The following MYLK variants were observed in gnomAD, a reference collection of about 807,000 sequenced individuals.
MYLK encodes the protein myosin light chain kinase, smooth muscle.
In MYLK, 106 loss-of-function variants were observed where a neutral mutation model predicts 203.4. The ratio of observed to expected loss-of-function variants is 0.52; its 90% CI spans 0.45 to 0.61. The LOEUF is 0.61. Among genes scored for constraint, MYLK ranks in the 20% least tolerant of loss-of-function variants. MYLK has a pLI of 0.00. For missense variants in MYLK, 2,072 were observed against 2,442.3 expected (o/e 0.85, Z 3.20); for synonymous variants, 867 against 959.5 (o/e 0.90, Z 1.78).
At chr3:123,687,826 A>T (rs2060516921) in intron 19 of MYLK, among the ~76,000 whole-genome samples, 2 of 151,948 alleles carry the variant, frequency 1.3e-5, no homozygotes, top group African/African-American at 4.8e-5. Flanking sequence ...CATGCCCCAC[A>T]GCATCCAGGC....
chr3:123,685,237 C>T (rs2060409514), intron 19 of MYLK, among the ~76,000 whole-genome samples: 1 of 152,208 alleles, frequency 6.6e-6, no homozygotes, highest in Non-Finnish European at 1.5e-5. Context: ...TTTTCTCTAC[C>T]TCATGGTGTT....
chr3:123,689,698 C>T (rs116837250), intron 19 of MYLK: 1 of 152,348 alleles, frequency 6.6e-6, no homozygotes, highest in African/African-American at 2.4e-5. Context: ...CATTGAAGGT[C>T]AGCTTGTTCT....
At chr3:123,753,823 G>A (rs552986197) in intron 4 of MYLK, among the ~76,000 whole-genome samples, 2 of 152,184 alleles carry the variant, frequency 1.3e-5, no homozygotes, top group Non-Finnish European at 2.9e-5. Flanking sequence ...GAACAAAGTT[G>A]TTTGCATTAC....
chr3:123,786,417 A>T (rs1372137745), intron 4 of MYLK, among the ~76,000 whole-genome samples: 2 of 150,808 alleles, frequency 1.3e-5, no homozygotes, highest in Non-Finnish European at 3.0e-5. Flanking sequence ...TAGAGCTGTG[A>T]AGTGGATCTG....
At chr3:123,785,961 A>C (rs1012803999) in intron 4 of MYLK, among the ~76,000 whole-genome samples, 1 of 152,236 alleles carries the variant, frequency 6.6e-6, no homozygotes, top group Non-Finnish European at 1.5e-5. Flanking sequence ...TCATTGAAGA[A>C]GCAAAAGATA....
intron 24 of MYLK, among the ~76,000 whole-genome samples, chr3:123,654,048 G>A (rs571736939): frequency 6.7e-6 from 1 of 149,284 alleles, no homozygotes; most frequent in South Asian, 2.1e-4. Context: ...AGTGATGGCA[G>A]TTTTGTTACT....
chr3:123,686,421 C>G (rs980891287), intron 19 of MYLK, among the ~76,000 whole-genome samples: 4 of 151,886 alleles, frequency 2.6e-5, no homozygotes, highest in African/African-American at 9.7e-5. Context: ...AACTCTGACC[C>G]CACGCAGGGG....
rs1459138099 is a variant in MYLK at position 123,723,686 on chromosome 3, T to C, written c.1652-1406A>G. ...TTGGGAGACATTAGGCTCTCCCAGCTCGGAGGCTGGGTTAAACTAAAGTTA... is the reference window on the plus strand; with the variant it reads ...TTGGGAGACATTAGGCTCTCCCAGCCCGGAGGCTGGGTTAAACTAAAGTTA... On this transcript the variant is annotated intron_variant, in intron 12 of 33. Transcript: ENST00000360304. Among the ~76,000 whole-genome samples, 6 of 152,156 alleles carry C rather than the reference T, an allele frequency of 3.9e-5. No individual in the cohort carries two copies. In the East Asian group the frequency reaches 1.2e-3, roughly 29 times the overall value.
intron 4 of MYLK, among the ~76,000 whole-genome samples, chr3:123,780,866 CT>C (rs1420844565): frequency 1.3e-5 from 2 of 152,112 alleles, no homozygotes; most frequent in Non-Finnish European, 2.9e-5. Context: ...GGCTCACATT[CT>C]AGAGACAAGT....
At chr3:123,817,839 A>G (rs2065799392) in intron 3 of MYLK, among the ~76,000 whole-genome samples, 1 of 152,190 alleles carries the variant, frequency 6.6e-6, no homozygotes, top group Non-Finnish European at 1.5e-5. Context: ...CTCCTCACAC[A>G]TGCAGAAACC....
intron 3 of MYLK, among the ~76,000 whole-genome samples, chr3:123,802,080 C>G (rs568041096): frequency 2.6e-5 from 4 of 152,186 alleles, no homozygotes; most frequent in Non-Finnish European, 2.9e-5. Context: ...TTCTCCACAG[C>G]CTTGCCAACA....
At chr3:123,825,914 A>G (rs1356649804) in intron 3 of MYLK, among the ~76,000 whole-genome samples, 3 of 152,222 alleles carry the variant, frequency 2.0e-5, no homozygotes, top group Non-Finnish European at 4.4e-5. Flanking sequence ...TCTAAATAGG[A>G]GAGGCCCCTG....
chr3:123,781,484 C>G (rs1436313856), intron 4 of MYLK, among the ~76,000 whole-genome samples: 1 of 152,194 alleles, frequency 6.6e-6, no homozygotes, highest in Non-Finnish European at 1.5e-5. Context: ...TATCTTTCCC[C>G]AAGTGCTGAC....
intron 4 of MYLK, among the ~76,000 whole-genome samples, chr3:123,781,768 C>G (rs1268337794): frequency 1.3e-5 from 2 of 151,590 alleles, no homozygotes; most frequent in African/African-American, 2.4e-5. Flanking sequence ...GATGGCCAGC[C>G]CTCCCCAAGC....
rs757976908 is a variant in MYLK, at chr3:123,836,854, C to A, written c.-126-5184G>T. Among the ~76,000 whole-genome samples, 53 of 152,156 alleles carry A rather than the reference C, an allele frequency of 3.5e-4. 2 individuals are homozygous for A. Among genetic ancestry groups the A allele is most frequent in the Non-Finnish European group, 2.9e-5 (2 of 68,028 alleles). Reference sequence around the variant, plus strand: ...GGTAGAACTCAAAGCATCAGGATGACTTGGAACTTTTAAAATTTATAAGAC... The same window carrying A: ...GGTAGAACTCAAAGCATCAGGATGAATTGGAACTTTTAAAATTTATAAGAC... On this transcript the variant is annotated intron_variant, in intron 2 of 33. Coordinates refer to ENST00000360304, the MANE Select transcript of MYLK (RefSeq NM_053025.4).
chr3:123,736,438 C>T (rs60564957), intron 8 of MYLK, among the ~76,000 whole-genome samples: 2 of 152,042 alleles, frequency 1.3e-5, no homozygotes, highest in Non-Finnish European at 2.9e-5. Context: ...CTTCCTGACC[C>T]CCGAGTTCCT....
chr3:123,698,635 C>G (rs889090283), intron 18 of MYLK, among the ~76,000 whole-genome samples: 1 of 152,078 alleles, frequency 6.6e-6, no homozygotes, highest in African/African-American at 2.4e-5. Flanking sequence ...TCTGGAGGAC[C>G]CTGCCAATCT....
intron 2 of MYLK, among the ~76,000 whole-genome samples, chr3:123,838,901 C>T (rs1384532464): frequency 1.3e-5 from 2 of 152,036 alleles, no homozygotes; most frequent in Admixed American, 6.6e-5. Flanking sequence ...TTGAGACCAG[C>T]CTGGCCAACA....
At position 123,666,246 on chromosome 3, in the gene MYLK, G is replaced by C; in HGVS notation, c.3804C>G (p.Thr1268=). 1.2e-6 allele frequency: 2 copies of C among 1,614,220 alleles called. No homozygotes were observed. Among genetic ancestry groups the C allele is most frequent in the South Asian group, 1.1e-5 (1 of 91,084 alleles). The change falls in exon 22 of 34, where the codon ACC becomes ACG. Residue 1268 remains threonine, a synonymous_variant. Transcript: ENST00000360304. ...GCTTTCGGAACTTCATCCAGGTACA[G>C]GTGATGGGCTGAGTGCCTGTCACTT... ...FGKVTGTQPI[T]CTWMKFRKQI...
Sources: gnomAD v4.1 joint callset for allele counts (sites outside exome capture counted in the v4.1 genomes callset) on GRCh38, gnomAD v4.1.1 for gene constraint, MANE v1.5 for transcripts, NCBI Gene and HGNC (gene_info 2026-07-23, HGNC 2026-07-21) for gene names.